The following ING3 variants were observed in gnomAD, a reference collection of about 807,000 sequenced individuals.
The protein encoded by ING3 is inhibitor of growth protein 3.
ING3 carries 6 observed loss-of-function variants against 64.8 expected under a neutral mutation model. That is an observed-to-expected ratio of 0.09 (90% CI 0.05 to 0.18). The LOEUF (loss-of-function observed/expected upper bound fraction) is 0.18, where lower values mean the gene tolerates loss of function less well. ING3 is among the 10% of genes least tolerant of loss of function. The pLI is 1.00. For synonymous variants in ING3, 170 were observed against 173.7 expected, an observed-to-expected ratio of 0.98 and a Z score of 0.17; for missense variants, 310 against 489.7, an observed-to-expected ratio of 0.63 and a Z score of 3.46.
chr7:120,963,157 G>A (rs1795955294), intron 4 of ING3, among the ~76,000 whole-genome samples: 1 of 152,122 alleles, frequency 6.6e-6, no homozygotes, highest in African/African-American at 2.4e-5. Context: ...ACAGACGTCT[G>A]TGTTCACACT....
intron 8 of ING3, 65 bp downstream of exon 8, chr7:120,968,156 A>G: frequency 7.1e-7 from 1 of 1,405,034 alleles, no homozygotes; most frequent in Non-Finnish European, 9.8e-7. Context: ...AACCTAATAG[A>G]AATAACGGGA....
chr7:120,951,764 T>C (rs1473324937), intron 2 of ING3, among the ~76,000 whole-genome samples: 2 of 152,244 alleles, frequency 1.3e-5, no homozygotes, highest in African/African-American at 4.8e-5. Context: ...CGTCATTTTC[T>C]TGGTTAAAAT....
intron 10 of ING3, 31 bp from the exon 11 acceptor site, chr7:120,973,172 TCA>T: frequency 1.6e-6 from 2 of 1,256,134 alleles, no homozygotes; most frequent in Non-Finnish European, 2.3e-6. Flanking sequence ...TGTTACATAG[TCA>T]TAATAAAGAC....
At chr7:120,951,930 T>C (rs528414368) in intron 2 of ING3, among the ~76,000 whole-genome samples, 1 of 152,354 alleles carries the variant, frequency 6.6e-6, no homozygotes, top group East Asian at 1.9e-4. Context: ...GCAACGACTA[T>C]AAATAGGTGG....
Position 120,974,899 on chromosome 7 carries a change from G to A in ING3, c.*55G>A. ...AACTTCAGCTGAAGATTTTATATAGGACTTTAAAAAGAAGAGAAGAGAAAG... is the reference window on the plus strand; with the variant it reads ...AACTTCAGCTGAAGATTTTATATAGAACTTTAAAAAGAAGAGAAGAGAAAG... On this transcript the variant is annotated 3_prime_UTR_variant, in exon 12 of 12. Transcript: ENST00000315870. The A allele has an allele frequency of 8.1e-7, 1 of 1,228,198 alleles. No homozygotes were observed. Among genetic ancestry groups the A allele is most frequent in the Non-Finnish European group, 1.2e-6 (1 of 860,324 alleles). 76.1% of individuals were successfully genotyped at this position (1,228,198 alleles called of 1,614,324 possible).
chr7:120,956,159 G>GC (rs773961660), intron 4 of ING3: 2 of 1,600,522 alleles, frequency 1.2e-6, no homozygotes. Flanking sequence ...TTTTTTTGCA[G>GC]CAGCACTTCT....
chr7:120,975,567 A>G lies in ING3; in HGVS notation c.*723A>G, dbSNP rs1025669147. On this transcript the variant is annotated 3_prime_UTR_variant, in exon 12 of 12. Coordinates refer to ENST00000315870, the MANE Select transcript of ING3 (RefSeq NM_019071.3). ...AGGGGAAAGGGCGTTAAAGTGATAC[A>G]TTTTTATACCAAATGTGTTTATTTT... 6 of 152,154 alleles carry G rather than the reference A, an allele frequency of 3.9e-5. No individual in the cohort carries two copies. The highest frequency in any genetic ancestry group is 1.4e-4 in the African/African-American group (6 of 41,430). 9.4% of individuals were successfully genotyped at this position (152,154 alleles called of 1,614,324 possible). A position where few individuals can be genotyped will look rare whatever the true frequency, so the allele number is the denominator to read the frequency against.
Position 120,956,305 on chromosome 7 carries a change from A to C in ING3, c.267+681A>C, listed in dbSNP as rs1027919823. The C allele has an allele frequency of 3.5e-6, 5 of 1,425,290 alleles. No individual in the cohort carries two copies. In the African/African-American group the frequency reaches 7.2e-5, roughly 21 times the overall value. The allele number at this position is 1,425,290 out of a possible 1,614,324, so 88.3% of individuals were successfully genotyped here. On this transcript the variant is annotated intron_variant, in intron 4 of 11. Transcript: ENST00000315870. ...AAGAAATAGTCATTTCTGTTTTTGCATTAAAGTAAATTAAAGCAGAAAACA... is the reference window on the plus strand; with the variant it reads ...AAGAAATAGTCATTTCTGTTTTTGCCTTAAAGTAAATTAAAGCAGAAAACA...
chr7:120,959,712 C>G (rs1011506130), intron 4 of ING3, among the ~76,000 whole-genome samples: 1 of 136,628 alleles, frequency 7.3e-6, no homozygotes, highest in Non-Finnish European at 1.5e-5. Flanking sequence ...GTGGCGCTAT[C>G]CCGGCTCACT....
intron 9 of ING3, among the ~76,000 whole-genome samples, chr7:120,970,470 A>G (rs1796056368): frequency 1.3e-5 from 2 of 152,162 alleles, no homozygotes; most frequent in East Asian, 3.9e-4. Flanking sequence ...ATCTCAAAAA[A>G]AAAAAAAAAA....
At position 120,968,036 on chromosome 7, in the gene ING3, CTGG is replaced by C. The variant is rs931439958; in HGVS notation, c.662_664del (p.Gly221del). The stretch of plus-strand genomic sequence containing the variant: ...AACATTGGCTCGTTATCTTCAGGAA[CTGG>C]TGCAGGGGCAATTACCATGGCAGCT... On this transcript the variant is annotated inframe_deletion, in exon 8 of 12. Coordinates refer to ENST00000315870, the MANE Select transcript of ING3 (RefSeq NM_019071.3). The C allele has an allele frequency of 6.2e-7, 1 of 1,614,140 alleles. No homozygotes were observed. Among genetic ancestry groups the C allele is most frequent in the African/African-American group, 1.3e-5 (1 of 75,022 alleles).
rs1295368021 is a variant in ING3 at position 120,975,137 on chromosome 7, T to A, written c.*293T>A. 2 of 190,888 alleles carry A rather than the reference T, an allele frequency of 1.0e-5. No homozygotes were observed. The highest frequency in any genetic ancestry group is 2.7e-4 in the East Asian group (2 of 7,528). 11.8% of individuals were successfully genotyped at this position (190,888 alleles called of 1,614,324 possible). On this transcript the variant is annotated 3_prime_UTR_variant, in exon 12 of 12. Transcript: ENST00000315870. ...GTACTCCTCAACCATTTTCTCAAAG[T>A]AATGGGCATTCTATGATTTAGACTT...
chr7:120,973,697 A>T (rs1156903272), intron 11 of ING3, among the ~76,000 whole-genome samples: 1 of 152,222 alleles, frequency 6.6e-6, no homozygotes, highest in Non-Finnish European at 1.5e-5. Context: ...TGTACTCTGC[A>T]GGTGTCAGCT....
intron 4 of ING3, chr7:120,955,891 GAATT>G: frequency 1.8e-6 from 1 of 566,850 alleles, no homozygotes; most frequent in Non-Finnish European, 3.1e-6. Context: ...TTTTAAACAA[GAATT>G]AATGTTTAAC....
intron 2 of ING3, among the ~76,000 whole-genome samples, chr7:120,952,534 A>G (rs1205346417): frequency 6.6e-6 from 1 of 152,166 alleles, no homozygotes; most frequent in Admixed American, 6.5e-5. Context: ...CTTTACAGTA[A>G]CTAGAATTTT....
Position 120,969,326 on chromosome 7 carries a change from T to C in ING3, c.908+122T>C, listed in dbSNP as rs554717118. On this transcript the variant is annotated intron_variant, in intron 9 of 11. Transcript: ENST00000315870. ...CGGATTAAAATTAACCTTGCAGAGG[T>C]AGGGAGACATGCGGTTTTCATTTTA... is the stretch of plus-strand genomic sequence containing the variant. 2.7e-5 allele frequency: 16 copies of C among 584,828 alleles called. No individual in the cohort carries two copies. The Admixed American group carries it at 5.0e-4, about 18-fold the overall frequency. 36.2% of individuals were successfully genotyped at this position (584,828 alleles called of 1,614,324 possible).
At chr7:120,966,576 T>C in intron 5 of ING3, 50 bp from the exon 6 acceptor site, 1 of 1,381,032 alleles carries the variant, frequency 7.2e-7, no homozygotes, top group Non-Finnish European at 1.0e-6. Flanking sequence ...CATGTGAAGT[T>C]CTGCGGTGAC....
Position 120,976,692 on chromosome 7 carries a change from T to C in ING3, c.*1848T>C, listed in dbSNP as rs544517067. ...GAAATGGTCAAAGGAAAAAGCCTTA[T>C]GTACAGCCTTATTTGAAGAGAAAGT... On this transcript the variant is annotated 3_prime_UTR_variant, in exon 12 of 12. Transcript: ENST00000315870. 6.6e-6 allele frequency: 1 copy of C among 152,340 alleles called. No individual in the cohort carries two copies. The highest frequency in any genetic ancestry group is 2.4e-5 in the African/African-American group (1 of 41,590). 9.4% of individuals were successfully genotyped at this position (152,340 alleles called of 1,614,324 possible).
intron 4 of ING3, chr7:120,956,536 T>C (rs1239138072): frequency 2.9e-6 from 3 of 1,027,082 alleles, no homozygotes; most frequent in Non-Finnish European, 3.5e-6. Flanking sequence ...CCATGGAAAA[T>C]GTCTAGTTGT....
Sources: gnomAD v4.1 joint callset for allele counts (sites outside exome capture counted in the v4.1 genomes callset) on GRCh38, gnomAD v4.1.1 for gene constraint, MANE v1.5 for transcripts, NCBI Gene and HGNC (gene_info 2026-07-23, HGNC 2026-07-21) for gene names.